Variants in PALS2 observed in about 807,000 individuals in gnomAD.
The protein encoded by PALS2 is protein associated with LIN7 2, MAGUK p55 family member.
Under a neutral mutation model 61.6 loss-of-function variants are expected in PALS2, and 27 were observed. That is an observed-to-expected ratio of 0.44 (90% CI 0.32 to 0.60). The LOEUF (loss-of-function observed/expected upper bound fraction) is 0.60. Ranked by LOEUF, PALS2 falls within the 20% of genes least tolerant of loss-of-function variation. The pLI is 0.05. For synonymous variants in PALS2, 236 were observed against 218.6 expected (o/e 1.08, Z -0.70); for missense variants, 554 against 639.4 (o/e 0.87, Z 1.44).
intron 2 of PALS2, among the ~76,000 whole-genome samples, chr7:24,640,901 G>C (rs1446805035): frequency 6.6e-6 from 1 of 151,460 alleles, no homozygotes; most frequent in Non-Finnish European, 1.5e-5. Flanking sequence ...CCAGCTACTT[G>C]GGAGGCTGAG....
intron 9 of PALS2, among the ~76,000 whole-genome samples, chr7:24,671,181 C>G (rs903728647): frequency 6.6e-6 from 1 of 152,188 alleles, no homozygotes; most frequent in Non-Finnish European, 1.5e-5. Context: ...TACATCCTCA[C>G]CAACATTTGT....
rs1274329385 is a variant in PALS2, at chr7:24,691,405, G to GTGTGTGTGTGTGTGTATA, written c.*3792_*3793insGTGTGTGTGTGTGTATAT. ...ATATTATGTATGTGTGTGTGTGTGT[G>GTGTGTGTGTGTGTGTATA]TATATATATATATATATATATATAT... is the stretch of plus-strand genomic sequence containing the variant. On this transcript the variant is annotated 3_prime_UTR_variant, in exon 12 of 12. Transcript: ENST00000222644. 74 of 110,576 alleles carry GTGTGTGTGTGTGTGTATA rather than the reference G, an allele frequency of 6.7e-4. No individual in the cohort carries two copies. Among genetic ancestry groups the GTGTGTGTGTGTGTGTATA allele is most frequent in the African/African-American group, 2.1e-3 (67 of 32,364 alleles). The allele number at this position is 110,576 out of a possible 1,614,324, so 6.8% of individuals were successfully genotyped here. A position where few individuals can be genotyped will look rare whatever the true frequency, so the allele number is the denominator to read the frequency against.
intron 1 of PALS2, among the ~76,000 whole-genome samples, chr7:24,616,358 C>A (rs928886608): frequency 6.6e-6 from 1 of 151,970 alleles, no homozygotes; most frequent in Non-Finnish European, 1.5e-5. Flanking sequence ...TTTCAGAATA[C>A]AAAATAAATA....
At chr7:24,629,102 T>C (rs1784877391) in intron 2 of PALS2, among the ~76,000 whole-genome samples, 1 of 152,132 alleles carries the variant, frequency 6.6e-6, no homozygotes, top group Non-Finnish European at 1.5e-5. Flanking sequence ...ACTACAAGGC[T>C]ACAGTAACTA....
At chr7:24,630,815 A>G (rs983084235) in intron 2 of PALS2, among the ~76,000 whole-genome samples, 3 of 152,222 alleles carry the variant, frequency 2.0e-5, no homozygotes, top group Non-Finnish European at 2.9e-5. Context: ...AACCTAGCTG[A>G]CAGCACATCT....
intron 1 of PALS2, among the ~76,000 whole-genome samples, chr7:24,592,389 G>T (rs1231202898): frequency 6.6e-6 from 1 of 152,058 alleles, no homozygotes; most frequent in Non-Finnish European, 1.5e-5. Flanking sequence ...AAGGGCCCCT[G>T]TAAGGAGAGG....
chr7:24,632,882 T>C (rs1199769442), intron 2 of PALS2, among the ~76,000 whole-genome samples: 6 of 152,096 alleles, frequency 3.9e-5, no homozygotes, highest in Non-Finnish European at 7.3e-5. Context: ...ATTTTCTCTC[T>C]CTTAGCATGT....
intron 1 of PALS2, among the ~76,000 whole-genome samples, chr7:24,586,412 G>A (rs376606266): frequency 3.9e-5 from 6 of 152,228 alleles, no homozygotes; most frequent in African/African-American, 1.4e-4. Context: ...TTGATTCTGC[G>A]TAAGCAAGAA....
At chr7:24,611,296 G>A (rs1704448381) in intron 1 of PALS2, among the ~76,000 whole-genome samples, 2 of 152,170 alleles carry the variant, frequency 1.3e-5, no homozygotes, top group East Asian at 1.9e-4. Context: ...GACTAAAGAT[G>A]CCACTTCTAT....
chr7:24,649,463 A>G (rs1583944725), intron 3 of PALS2, 149 bp from the exon 4 acceptor site: 4 of 430,332 alleles, frequency 9.3e-6, no homozygotes, highest in African/African-American at 2.0e-5. Flanking sequence ...TTATATATTT[A>G]TTTGATCAAC....
intron 1 of PALS2, among the ~76,000 whole-genome samples, chr7:24,611,138 C>T (rs1784096243): frequency 6.6e-6 from 1 of 152,006 alleles, no homozygotes; most frequent in African/African-American, 2.4e-5. Flanking sequence ...TTTTGTAAAA[C>T]AATTGTTACA....
chr7:24,622,457 A>T (rs948740736), intron 1 of PALS2, among the ~76,000 whole-genome samples: 1 of 151,604 alleles, frequency 6.6e-6, no homozygotes, highest in Admixed American at 6.6e-5. Flanking sequence ...TCTTAATTTC[A>T]TTTTTGGATT....
Position 24,672,196 on chromosome 7 carries a change from C to CTGTTTT in PALS2, c.1114+3537_1114+3542dup, listed in dbSNP as rs765073501. Among the ~76,000 whole-genome samples, 3 of 145,084 alleles carry CTGTTTT rather than the reference C, an allele frequency of 2.1e-5. No homozygotes were observed. In the East Asian group the frequency reaches 6.5e-4, roughly 32 times the overall value. ...ACTTGGCCTTGAGGACTACTGCCAT[C>CTGTTTT]TGTTTTGTTTTGTTTTGTTTTGTTT... On this transcript the variant is annotated intron_variant, in intron 9 of 11. Transcript: ENST00000222644.
intron 1 of PALS2, among the ~76,000 whole-genome samples, chr7:24,611,468 A>C (rs1388043283): frequency 6.6e-6 from 1 of 152,056 alleles, no homozygotes; most frequent in Non-Finnish European, 1.5e-5. Context: ...AGAAAAATGT[A>C]ACATTTTTGT....
intron 2 of PALS2, among the ~76,000 whole-genome samples, chr7:24,636,680 T>A (rs1785254868): frequency 6.6e-6 from 1 of 152,216 alleles, no homozygotes; most frequent in African/African-American, 2.4e-5. Flanking sequence ...AATATAAAAT[T>A]AAATTTTTAA....
chr7:24,620,264 C>T (rs1583885305), intron 1 of PALS2: 2 of 152,080 alleles, frequency 1.3e-5, no homozygotes, highest in African/African-American at 4.8e-5. Context: ...GGATTAGGCC[C>T]ATCTCTCATT....
At chr7:24,633,356 T>G (rs1785089047) in intron 2 of PALS2, among the ~76,000 whole-genome samples, 1 of 150,768 alleles carries the variant, frequency 6.6e-6, no homozygotes, top group Admixed American at 6.6e-5. Flanking sequence ...TGGAGTTTTT[T>G]TTTTTTTTTT....
intron 1 of PALS2, among the ~76,000 whole-genome samples, chr7:24,617,921 A>G (rs1299336081): frequency 6.6e-6 from 1 of 152,110 alleles, no homozygotes; most frequent in Non-Finnish European, 1.5e-5. Flanking sequence ...GTGTGCAGCC[A>G]CTCGGCCAGT....
At chr7:24,657,261 T>G (rs1786468388) in intron 5 of PALS2, among the ~76,000 whole-genome samples, 1 of 152,224 alleles carries the variant, frequency 6.6e-6, no homozygotes, top group South Asian at 2.1e-4. Context: ...ATGGTAGGTA[T>G]ATGTTGTACT....
Sources: gnomAD v4.1 joint callset for allele counts (sites outside exome capture counted in the v4.1 genomes callset) on GRCh38, gnomAD v4.1.1 for gene constraint, MANE v1.5 for transcripts, NCBI Gene and HGNC (gene_info 2026-07-23, HGNC 2026-07-21) for gene names.